SLAIN1: variants seen among roughly 807,000 people sequenced by gnomAD.
SLAIN1 encodes SLAIN motif-containing protein 1.
A neutral mutation model predicts 55.4 loss-of-function variants in SLAIN1; 17 were observed. The observed-to-expected ratio is 0.31, with a 90% CI of 0.21 to 0.46. The LOEUF (loss-of-function observed/expected upper bound fraction) is 0.46, where lower values mean the gene tolerates loss of function less well. Among genes scored for constraint, SLAIN1 ranks in the 20% least tolerant of loss-of-function variants. SLAIN1 has a pLI of 1.00. For synonymous variants in SLAIN1, 348 were observed against 337.4 expected (o/e 1.03, Z -0.35); for missense variants, 682 against 785.1 (o/e 0.87, Z 1.57).
chr13:77,719,508 A>G (rs2091241013), intron 1 of SLAIN1, 24 bp from the exon 2 acceptor site: 4 of 1,586,208 alleles, frequency 2.5e-6, no homozygotes, highest in Non-Finnish European at 3.4e-6. Context: ...TATCATACCT[A>G]TAATGTAGAT....
chr13:77,699,102 G>T, intron 1 of SLAIN1: 1 of 1,490,746 alleles, frequency 6.7e-7, no homozygotes, highest in South Asian at 1.2e-5. Context: ...GCCCTTTTGC[G>T]TTGCATTTTC....
chr13:77,747,462 G>T (rs1320656078), intron 4 of SLAIN1, among the ~76,000 whole-genome samples: 2 of 152,140 alleles, frequency 1.3e-5, no homozygotes, highest in Non-Finnish European at 2.9e-5. Context: ...TGGTGCCTGT[G>T]GCAGAGGCAG....
At chr13:77,733,556 G>A (rs1264864902) in intron 2 of SLAIN1, among the ~76,000 whole-genome samples, 2 of 152,148 alleles carry the variant, frequency 1.3e-5, no homozygotes, top group African/African-American at 4.8e-5. Flanking sequence ...CTAACTTTCT[G>A]ATAAGTTTTT....
chr13:77,737,280 G>T (rs1873170036), intron 2 of SLAIN1, among the ~76,000 whole-genome samples: 1 of 151,822 alleles, frequency 6.6e-6, no homozygotes, highest in African/African-American at 2.4e-5. Flanking sequence ...TTCTGCTTGT[G>T]CTTTTGTTCA....
At chr13:77,746,196 TC>T (rs1202463674) in intron 3 of SLAIN1, among the ~76,000 whole-genome samples, 7 of 152,088 alleles carry the variant, frequency 4.6e-5, no homozygotes, top group African/African-American at 1.7e-4. Flanking sequence ...CTTCCTAAGT[TC>T]CCCTTCTAAA....
chr13:77,723,122 T>G (rs1026365208), intron 2 of SLAIN1, among the ~76,000 whole-genome samples: 3 of 152,210 alleles, frequency 2.0e-5, no homozygotes, highest in African/African-American at 7.2e-5. Flanking sequence ...TTATAATTTA[T>G]AAGACAGGGT....
intron 2 of SLAIN1, among the ~76,000 whole-genome samples, chr13:77,742,374 T>C (rs930824615): frequency 3.2e-4 from 48 of 152,094 alleles, no homozygotes; most frequent in African/African-American, 1.0e-3. Flanking sequence ...TCACCAATAG[T>C]CTCTGTACCG....
intron 1 of SLAIN1, among the ~76,000 whole-genome samples, chr13:77,711,454 AAAAT>A (rs1323749430): frequency 2.7e-5 from 4 of 146,262 alleles, no homozygotes; most frequent in African/African-American, 1.1e-4. Context: ...TACCTCTATG[AAAAT>A]AAACTAGGAA....
intron 1 of SLAIN1, among the ~76,000 whole-genome samples, chr13:77,715,250 A>G (rs1219672544): frequency 2.0e-5 from 3 of 152,104 alleles, no homozygotes; most frequent in African/African-American, 4.8e-5. Context: ...TTATTTTGAA[A>G]TTTGTGTTAT....
chr13:77,759,536 C>T (rs1258026745), intron 5 of SLAIN1, among the ~76,000 whole-genome samples: 1 of 152,136 alleles, frequency 6.6e-6, no homozygotes, highest in Non-Finnish European at 1.5e-5. Flanking sequence ...AGGGGGAATG[C>T]TTTCAACTTT....
At chr13:77,747,941 A>T (rs1444017677) in intron 4 of SLAIN1, among the ~76,000 whole-genome samples, 1 of 152,104 alleles carries the variant, frequency 6.6e-6, no homozygotes, top group South Asian at 2.1e-4. Flanking sequence ...GATCACCTGA[A>T]CCCTCACACA....
At chr13:77,753,393 A>T in intron 5 of SLAIN1, 35 bp downstream of exon 5, 1 of 1,073,054 alleles carries the variant, frequency 9.3e-7, no homozygotes, top group Non-Finnish European at 1.2e-6. Flanking sequence ...TATATATTGT[A>T]TAATTGTATA....
intron 2 of SLAIN1, among the ~76,000 whole-genome samples, chr13:77,727,002 T>C (rs188647967): frequency 9.2e-5 from 14 of 152,308 alleles, no homozygotes; most frequent in Non-Finnish European, 1.5e-4. Context: ...CAGAAAGTAA[T>C]GTTAAAAGTG....
At chr13:77,751,910 G>A (rs1242963835) in intron 4 of SLAIN1, among the ~76,000 whole-genome samples, 1 of 152,042 alleles carries the variant, frequency 6.6e-6, no homozygotes, top group Non-Finnish European at 1.5e-5. Context: ...CCTGACATAG[G>A]TACTTTAGTT....
chr13:77,742,955 C>A, intron 2 of SLAIN1: 2 of 955,360 alleles, frequency 2.1e-6, no homozygotes, highest in Non-Finnish European at 2.6e-6. Flanking sequence ...CTTTCTCCTT[C>A]TGACAAGTCA....
At chr13:77,761,568 G>T (rs1164101630) in intron 6 of SLAIN1, among the ~76,000 whole-genome samples, 3 of 152,156 alleles carry the variant, frequency 2.0e-5, no homozygotes, top group African/African-American at 7.2e-5. Context: ...TCAAATATTT[G>T]TTGAATCAGT....
At chr13:77,718,623 G>A (rs953733430) in intron 1 of SLAIN1, among the ~76,000 whole-genome samples, 2 of 152,118 alleles carry the variant, frequency 1.3e-5, no homozygotes, top group Admixed American at 6.6e-5. Flanking sequence ...GTGCTTATTA[G>A]AATTGTGGTA....
intron 2 of SLAIN1, among the ~76,000 whole-genome samples, chr13:77,727,354 A>G (rs2091316258): frequency 6.6e-6 from 1 of 152,156 alleles, no homozygotes; most frequent in Non-Finnish European, 1.5e-5. Context: ...CCAGTGCTTA[A>G]TAAATTTTTC....
intron 6 of SLAIN1, among the ~76,000 whole-genome samples, chr13:77,762,114 A>G (rs1875080325): frequency 1.3e-5 from 2 of 152,254 alleles, no homozygotes; most frequent in Non-Finnish European, 2.9e-5. Flanking sequence ...AAAAGTAAAG[A>G]CTGACCCATA....
Sources: allele counts gnomAD v4.1 joint callset (sites outside exome capture counted in the v4.1 genomes callset), GRCh38; gene constraint gnomAD v4.1.1; transcripts MANE v1.5; gene names NCBI Gene and HGNC (gene_info 2026-07-23, HGNC 2026-07-21).